GSDMC: variants seen among roughly 807,000 people sequenced by gnomAD.
The protein encoded by GSDMC is gasdermin C, also known as gasdermin-C.
Under a neutral mutation model 58.0 loss-of-function variants are expected in GSDMC, and 59 were observed. The ratio of observed to expected loss-of-function variants is 1.02; its 90% CI spans 0.82 to 1.26. GSDMC has a LOEUF of 1.26. Ranked by LOEUF, GSDMC falls within the 50% of genes most tolerant of loss-of-function variation. GSDMC has a pLI of 0.00. For missense variants in GSDMC, 659 were observed against 598.5 expected (o/e 1.10, Z -1.06); for synonymous variants, 241 against 220.2 (o/e 1.09, Z -0.83).
the GSDMC span, among the ~76,000 whole-genome samples, chr8:129,738,572 G>A: frequency 0.033 from 5,071 of 152,152 alleles, 133 homozygotes; most frequent in Middle Eastern, 0.15. Flanking sequence ...ACCAAACACC[G>A]CATGTTCTCA....
At chr8:129,706,578 C>T in the GSDMC span, 33 of 152,268 alleles carry the variant, frequency 2.2e-4, 1 homozygote, top group Admixed American at 2.2e-3. Context: ...AAAATGGAGC[C>T]AGGCACTTAG....
downstream of GSDMC, among the ~76,000 whole-genome samples, chr8:129,743,265 G>T (rs1030413137): frequency 2.0e-5 from 3 of 152,124 alleles, no homozygotes; most frequent in African/African-American, 4.8e-5. Flanking sequence ...GTCCTTGAAG[G>T]TCTTTGCACT....
Position 129,750,013 on chromosome 8 carries a change from A to G in GSDMC, c.1190T>C (p.Leu397Pro). 6.2e-7 allele frequency: 1 copy of G among 1,608,912 alleles called. No individual in the cohort carries two copies. The highest frequency in any genetic ancestry group is 8.5e-7 in the Non-Finnish European group (1 of 1,178,372). Residue 397 changes from leucine (L) to proline (P), a missense_variant, in exon 12 of 14, where the codon CTT becomes CCT. Coordinates refer to ENST00000276708, the MANE Select transcript of GSDMC (RefSeq NM_031415.3). ...ACCCATTATGGCTTCAAGGAGATAA[A>G]GAATGGGGTCCTTTGGGTTAAACCA... ...HAWFNPKDPI[L>P]YLLEAIMVLS...
chr8:129,783,222 GCC>G (rs937640094), intron 1 of GSDMC, among the ~76,000 whole-genome samples: 23 of 151,730 alleles, frequency 1.5e-4, no homozygotes, highest in Non-Finnish European at 1.9e-4. Context: ...ATAATAAAAA[GCC>G]ATATATTACA....
intron 6 of GSDMC, 30 bp from the exon 7 acceptor site, chr8:129,752,850 G>C: frequency 6.2e-7 from 1 of 1,613,734 alleles, no homozygotes; most frequent in South Asian, 1.1e-5. Flanking sequence ...AGAATGACTG[G>C]GTAACTTTAC....
chr8:129,767,835 C>G (rs984465103), intron 3 of GSDMC, among the ~76,000 whole-genome samples: 1 of 151,754 alleles, frequency 6.6e-6, no homozygotes, highest in African/African-American at 2.4e-5. Context: ...TTCATGGGCC[C>G]CTACCCAACC....
At chr8:129,764,606 A>T (rs1036148703) in intron 4 of GSDMC, among the ~76,000 whole-genome samples, 1 of 152,178 alleles carries the variant, frequency 6.6e-6, no homozygotes, top group African/African-American at 2.4e-5. Context: ...GGGTGAGGGT[A>T]GGTGCCTGGC....
In GSDMC at chr8:129,748,328, T is replaced by C. The variant is rs554842129; in HGVS notation, c.*173A>G. 9.1e-6 allele frequency: 5 copies of C among 548,232 alleles called. No individual in the cohort carries two copies. Among genetic ancestry groups the C allele is most frequent in the Non-Finnish European group, 1.6e-5 (5 of 319,566 alleles). The allele number at this position is 548,232 out of a possible 1,614,324, so 34.0% of individuals were successfully genotyped here. A position where few individuals can be genotyped will look rare whatever the true frequency, so the allele number is the denominator to read the frequency against. Reference sequence around the variant, plus strand: ...GTCAATATATAAACTCTTGTCAATATATAGAGTATTCCACCACCCCAAAAC... The same window carrying C: ...GTCAATATATAAACTCTTGTCAATACATAGAGTATTCCACCACCCCAAAAC... On this transcript the variant is annotated 3_prime_UTR_variant, in exon 14 of 14. Coordinates refer to ENST00000276708, the MANE Select transcript of GSDMC (RefSeq NM_031415.3).
chr8:129,719,599 C>T, the GSDMC span, among the ~76,000 whole-genome samples: 2 of 152,270 alleles, frequency 1.3e-5, no homozygotes, highest in Middle Eastern at 3.4e-3. Context: ...ACATGGAATA[C>T]TTACGGAGGT....
intron 1 of GSDMC, among the ~76,000 whole-genome samples, chr8:129,779,275 A>T (rs1254692768): frequency 6.6e-6 from 1 of 152,236 alleles, no homozygotes; most frequent in East Asian, 1.9e-4. Context: ...AATACTATGT[A>T]GCCAAAAAAA....
chr8:129,708,572 A>G, the GSDMC span, among the ~76,000 whole-genome samples: 2 of 152,234 alleles, frequency 1.3e-5, no homozygotes, highest in Non-Finnish European at 2.9e-5. Context: ...GGCCTGAGCA[A>G]TTTCACTGCT....
intron 3 of GSDMC, 85 bp downstream of exon 3, chr8:129,776,017 A>C (rs368012243): frequency 3.7e-6 from 4 of 1,073,336 alleles, no homozygotes; most frequent in Non-Finnish European, 5.4e-6. Flanking sequence ...CCCTACAACA[A>C]GACTTGCTAG....
intron 1 of GSDMC, among the ~76,000 whole-genome samples, chr8:129,783,924 C>G (rs2034486022): frequency 6.6e-6 from 1 of 152,036 alleles, no homozygotes; most frequent in African/African-American, 2.4e-5. Flanking sequence ...ATCGAGAACC[C>G]AGAAACAAAT....
At chr8:129,768,805 G>A (rs115892198) in intron 3 of GSDMC, among the ~76,000 whole-genome samples, 1,703 of 152,288 alleles carry the variant, frequency 0.011, 26 homozygotes, top group African/African-American at 0.039. Flanking sequence ...GACAGCCAGG[G>A]CCAGTGGCTC....
rs749217446 is a variant in GSDMC, at chr8:129,748,508, T to G, written c.1520A>C (p.Glu507Ala). ...GTLSLLQQLA[E>A]A is the part of the protein sequence containing the mutation. The stretch of plus-strand genomic sequence containing the variant: ...CTGCCCATCAGGGAGGGCTTAGGCC[T>G]CAGCCAGCTGCTGCAGCAACGAGAG... Residue 507 changes from glutamate (E) to alanine (A), a missense_variant, in exon 14 of 14, where the codon GAG (glutamate) becomes GCG (alanine). Coordinates refer to ENST00000276708, the MANE Select transcript of GSDMC (RefSeq NM_031415.3). The G allele has an allele frequency of 6.2e-7, 1 of 1,604,954 alleles. No individual in the cohort carries two copies. The highest frequency in any genetic ancestry group is 1.3e-5 in the African/African-American group (1 of 74,756).
chr8:129,734,774 C>A, the GSDMC span, among the ~76,000 whole-genome samples: 1 of 152,132 alleles, frequency 6.6e-6, no homozygotes, highest in Non-Finnish European at 1.5e-5. Context: ...AAATAACCAG[C>A]TAACATCATA....
chr8:129,717,253 T>A, the GSDMC span, among the ~76,000 whole-genome samples: 2 of 41,004 alleles, frequency 4.9e-5, no homozygotes, highest in Admixed American at 4.8e-4. Context: ...TCCTGGGCTT[T>A]TTTTTTTTTT....
chr8:129,761,344 G>A (rs918980059), intron 5 of GSDMC, among the ~76,000 whole-genome samples: 1 of 152,062 alleles, frequency 6.6e-6, no homozygotes, highest in Non-Finnish European at 1.5e-5. Flanking sequence ...TCCTCCTTTA[G>A]TTATCACCTC....
the GSDMC span, among the ~76,000 whole-genome samples, chr8:129,732,237 A>T: frequency 4.5e-4 from 68 of 152,062 alleles, 1 homozygote; most frequent in African/African-American, 1.6e-3. Context: ...CATTGATCTT[A>T]GATTTCCCAT....
Sources: gnomAD v4.1 joint callset for allele counts (sites outside exome capture counted in the v4.1 genomes callset) on GRCh38, gnomAD v4.1.1 for gene constraint, MANE v1.5 for transcripts, NCBI Gene and HGNC (gene_info 2026-07-23, HGNC 2026-07-21) for gene names.